The following CLASP2 variants were observed in gnomAD, a reference collection of about 807,000 sequenced individuals.
CLASP2 encodes the protein cytoplasmic linker associated protein 2, also known as CLIP-associating protein 2.
A neutral mutation model predicts 194.4 loss-of-function variants in CLASP2; 47 were observed. That is an observed-to-expected ratio of 0.24 (90% CI 0.19 to 0.31). CLASP2 has a LOEUF of 0.31. CLASP2 is among the 10% of genes least tolerant of loss of function. The probability of loss-of-function intolerance (pLI) is 1.00; values close to 1 mark genes in which losing one functional copy is unlikely to be tolerated. For synonymous variants in CLASP2, 619 were observed against 633.5 expected, an observed-to-expected ratio of 0.98 and a Z score of 0.34; for missense variants, 1,445 against 1,823.6, an observed-to-expected ratio of 0.79 and a Z score of 3.78.
intron 11 of CLASP2, among the ~76,000 whole-genome samples, chr3:33,620,366 T>A (rs1454733459): frequency 6.6e-6 from 1 of 152,168 alleles, no homozygotes; most frequent in East Asian, 1.9e-4. Context: ...TTTCATTGTA[T>A]GATTTTAGTT....
At chr3:33,592,677 C>T in intron 20 of CLASP2, 181 bp from the exon 21 acceptor site, 1 of 649,890 alleles carries the variant, frequency 1.5e-6, no homozygotes, top group Non-Finnish European at 2.7e-6. Context: ...CGTGTTATAC[C>T]ATAAGCTAAT....
chr3:33,717,965 A>C lies in CLASP2; in HGVS notation c.38T>G (p.Val13Gly). The change falls in exon 1 of 39, where the codon GTG becomes GGG. Residue 13 changes from valine to glycine, a missense_variant. Around this residue, in one of 4 missense-constraint regions of CLASP2, gnomAD observed 332 missense variants for 325.3 expected, o/e 1.02. Coordinates refer to ENST00000682230, the MANE Select transcript of CLASP2 (RefSeq NM_001365631.1). Reference sequence around the variant, plus strand: ...CCGGCCGCCGACGTCCTTCTGCTGCACCTGGGCGCAGAAGTACTCCATGCT... The same window carrying C: ...CCGGCCGCCGACGTCCTTCTGCTGCCCCTGGGCGCAGAAGTACTCCATGCT... ...PRSMEYFCAQ[V>G]QQKDVGGRLQ... 6.5e-7 allele frequency: 1 copy of C among 1,542,120 alleles called. No homozygotes were observed. The highest frequency in any genetic ancestry group is 8.7e-7 in the Non-Finnish European group (1 of 1,145,984).
At chr3:33,710,066 G>T (rs2092925101) in intron 1 of CLASP2, among the ~76,000 whole-genome samples, 3 of 152,170 alleles carry the variant, frequency 2.0e-5, no homozygotes, top group Admixed American at 6.5e-5. Context: ...GCCACGGGCT[G>T]ATAAGCTTTG....
intron 8 of CLASP2, among the ~76,000 whole-genome samples, chr3:33,635,488 G>A (rs1559476632): frequency 1.3e-5 from 2 of 152,104 alleles, no homozygotes; most frequent in South Asian, 2.1e-4. Flanking sequence ...GGCTACTTAC[G>A]CTATCAGACA....
chr3:33,684,802 C>T (rs976450585), intron 5 of CLASP2, among the ~76,000 whole-genome samples: 6 of 150,970 alleles, frequency 4.0e-5, no homozygotes, highest in African/African-American at 1.2e-4. Context: ...GAGTTTGAGA[C>T]CAGTCTGGCC....
At chr3:33,635,068 A>T (rs1418627532) in intron 8 of CLASP2, among the ~76,000 whole-genome samples, 1 of 151,916 alleles carries the variant, frequency 6.6e-6, no homozygotes, top group Non-Finnish European at 1.5e-5. Context: ...CCTGGGCAAT[A>T]TGAAGAAACC....
chr3:33,689,805 C>T (rs1379721889), intron 3 of CLASP2, 24 bp downstream of exon 3: 1 of 1,492,856 alleles, frequency 6.7e-7, no homozygotes, highest in Admixed American at 2.5e-5. Flanking sequence ...TTAGCAAAAT[C>T]TGAATTTTAA....
At chr3:33,505,737 GTCAT>G (rs1426239199) in intron 37 of CLASP2, among the ~76,000 whole-genome samples, 2 of 152,182 alleles carry the variant, frequency 1.3e-5, no homozygotes, top group Non-Finnish European at 2.9e-5. Flanking sequence ...GACATTATGT[GTCAT>G]TCAATGAGAT....
intron 22 of CLASP2, among the ~76,000 whole-genome samples, chr3:33,583,926 G>C (rs970464991): frequency 1.3e-5 from 2 of 152,096 alleles, no homozygotes; most frequent in African/African-American, 4.8e-5. Flanking sequence ...GAGAGAAAGG[G>C]AAAATAGGCA....
At chr3:33,539,308 AT>A (rs2057922118) in intron 32 of CLASP2, among the ~76,000 whole-genome samples, 1 of 152,128 alleles carries the variant, frequency 6.6e-6, no homozygotes, top group South Asian at 2.1e-4. Flanking sequence ...ATTAGATAAA[AT>A]TTAAATGTCA....
At chr3:33,565,323 C>G (rs951302271) in intron 27 of CLASP2, among the ~76,000 whole-genome samples, 19 of 151,982 alleles carry the variant, frequency 1.3e-4, no homozygotes, top group Admixed American at 9.2e-4. Flanking sequence ...GGATTACAGG[C>G]CAGCGCCACC....
chr3:33,703,190 T>C (rs2154353880), intron 1 of CLASP2, among the ~76,000 whole-genome samples: 1 of 152,254 alleles, frequency 6.6e-6, no homozygotes, highest in African/African-American at 2.4e-5. Context: ...GGGGAAAATA[T>C]TTGCAAAATA....
At chr3:33,623,226 G>T (rs891499709) in intron 10 of CLASP2, among the ~76,000 whole-genome samples, 1 of 152,152 alleles carries the variant, frequency 6.6e-6, no homozygotes, top group East Asian at 1.9e-4. Flanking sequence ...GGTAACTGGG[G>T]TATCCATCAC....
At chr3:33,637,855 G>C (rs958030344) in intron 8 of CLASP2, among the ~76,000 whole-genome samples, 1 of 152,152 alleles carries the variant, frequency 6.6e-6, no homozygotes, top group Non-Finnish European at 1.5e-5. Flanking sequence ...ATTCCACTTA[G>C]AGGAATCTAT....
chr3:33,635,584 T>C (rs2154297303), intron 8 of CLASP2, among the ~76,000 whole-genome samples: 1 of 152,164 alleles, frequency 6.6e-6, no homozygotes, highest in South Asian at 2.1e-4. Flanking sequence ...AAATGGAAAG[T>C]TCAAAAACAG....
Position 33,496,800 on chromosome 3 carries a change from C to G in CLASP2, c.*1831G>C, listed in dbSNP as rs927512895. On this transcript the variant is annotated 3_prime_UTR_variant, in exon 39 of 39. Coordinates refer to ENST00000682230, the MANE Select transcript of CLASP2 (RefSeq NM_001365631.1). ...GTGTTTAAAATGCATTTTCTTCTTA[C>G]AGATAAGCTGTAATATATACATGCG... 2 of 152,166 alleles carry G rather than the reference C, an allele frequency of 1.3e-5. No individual in the cohort carries two copies. Among genetic ancestry groups the G allele is most frequent in the Non-Finnish European group, 2.9e-5 (2 of 67,998 alleles). The allele number at this position is 152,166 out of a possible 1,614,324, so 9.4% of individuals were successfully genotyped here.
chr3:33,710,662 C>T (rs1017001857), intron 1 of CLASP2, among the ~76,000 whole-genome samples: 20 of 152,172 alleles, frequency 1.3e-4, no homozygotes, highest in Admixed American at 4.6e-4. Flanking sequence ...TGGCCAGGCG[C>T]GGTGGCTAAC....
chr3:33,637,274 G>A lies in CLASP2; in HGVS notation c.863-4903C>T, dbSNP rs78260132. ...TTCTCAGGTGTGGTGGCTCACGTCT[G>A]TAATCCCAGCACTTTGGAAGGCCAA... On this transcript the variant is annotated intron_variant, in intron 8 of 38. Transcript: ENST00000682230. Among the ~76,000 whole-genome samples the A allele has an allele frequency of 4.3e-3, 659 of 152,278 alleles. 30 individuals are homozygous for A. The East Asian group carries it at 0.11, about 25-fold the overall frequency.
At chr3:33,526,211 G>C (rs2054524103) in intron 34 of CLASP2, among the ~76,000 whole-genome samples, 2 of 151,838 alleles carry the variant, frequency 1.3e-5, no homozygotes, top group Admixed American at 6.6e-5. Context: ...GGTGTCAAGT[G>C]ATCTGCCCTG....
Sources: gnomAD v4.1 joint callset for allele counts (sites outside exome capture counted in the v4.1 genomes callset) on GRCh38, gnomAD v4.1.1 for gene constraint, gnomAD v4.1.1 regional missense constraint, MANE v1.5 for transcripts, NCBI Gene and HGNC (gene_info 2026-07-23, HGNC 2026-07-21) for gene names.